Variants in FGGY observed in about 807,000 individuals in gnomAD.
FGGY encodes the protein FGGY carbohydrate kinase domain containing.
A neutral mutation model predicts 71.3 loss-of-function variants in FGGY; 72 were observed. The ratio of observed to expected loss-of-function variants is 1.01; its 90% CI spans 0.84 to 1.23. The LOEUF is 1.23. Ranked by LOEUF, FGGY falls within the 50% of genes most tolerant of loss-of-function variation. The pLI is 0.00. For missense variants in FGGY, 668 were observed against 682.3 expected (o/e 0.98, Z 0.23); for synonymous variants, 251 against 250.3 (o/e 1.00, Z -0.02).
At chr1:59,597,731 G>A (rs1365171015) in intron 8 of FGGY, among the ~76,000 whole-genome samples, 2 of 152,152 alleles carry the variant, frequency 1.3e-5, no homozygotes, top group East Asian at 3.8e-4. Context: ...AAAGACCAAG[G>A]TCACACAGCA....
At chr1:59,456,597 C>T (rs989978470) in intron 5 of FGGY, among the ~76,000 whole-genome samples, 1 of 152,128 alleles carries the variant, frequency 6.6e-6, no homozygotes, top group African/African-American at 2.4e-5. Flanking sequence ...TAGAGGCATC[C>T]ACCACCAAGC....
chr1:59,694,336 A>T (rs2097634352), intron 14 of FGGY, among the ~76,000 whole-genome samples: 1 of 145,436 alleles, frequency 6.9e-6, no homozygotes, highest in African/African-American at 2.5e-5. Flanking sequence ...AATAAATAAA[A>T]TACTGAAAGC....
intron 7 of FGGY, among the ~76,000 whole-genome samples, chr1:59,528,340 T>G (rs2095048673): frequency 6.6e-6 from 1 of 152,216 alleles, no homozygotes; most frequent in Non-Finnish European, 1.5e-5. Context: ...GCTGTGCACA[T>G]TCTCACCACC....
chr1:59,669,706 C>G (rs982790708), intron 13 of FGGY, among the ~76,000 whole-genome samples: 4 of 152,068 alleles, frequency 2.6e-5, no homozygotes, highest in African/African-American at 9.7e-5. Flanking sequence ...CAATTTCCAG[C>G]CTTCTGATAG....
intron 5 of FGGY, among the ~76,000 whole-genome samples, chr1:59,429,225 G>C (rs1363922265): frequency 6.6e-6 from 1 of 151,102 alleles, no homozygotes; most frequent in Non-Finnish European, 1.5e-5. Flanking sequence ...GGTGGCCCTG[G>C]TAAAGTTAAT....
chr1:59,559,432 A>G (rs1015080279), intron 8 of FGGY, among the ~76,000 whole-genome samples: 1 of 152,242 alleles, frequency 6.6e-6, no homozygotes. Context: ...TTAGTTTAAC[A>G]TAGATGCAGA....
At chr1:59,574,705 T>C (rs1314886735) in intron 8 of FGGY, among the ~76,000 whole-genome samples, 3 of 152,182 alleles carry the variant, frequency 2.0e-5, no homozygotes, top group Non-Finnish European at 4.4e-5. Flanking sequence ...TTTCATTGCT[T>C]TTATGAATTA....
intron 11 of FGGY, among the ~76,000 whole-genome samples, chr1:59,646,516 A>G (rs1016817747): frequency 1.3e-5 from 2 of 149,756 alleles, no homozygotes; most frequent in Non-Finnish European, 3.0e-5. Context: ...GTATATTTAT[A>G]TATAAATTTA....
chr1:59,298,754 T>C (rs1287119702), intron 1 of FGGY, among the ~76,000 whole-genome samples: 2 of 152,190 alleles, frequency 1.3e-5, no homozygotes, highest in African/African-American at 4.8e-5. Context: ...CCCAGGGGGA[T>C]TTGAAATGAT....
chr1:59,565,330 G>T (rs1029196197), intron 8 of FGGY, among the ~76,000 whole-genome samples: 3 of 151,956 alleles, frequency 2.0e-5, no homozygotes, highest in Non-Finnish European at 4.4e-5. Flanking sequence ...TCTTGCTCAG[G>T]CTGGGGTGCA....
At chr1:59,372,655 C>A (rs1279242038) in intron 4 of FGGY, among the ~76,000 whole-genome samples, 1 of 152,088 alleles carries the variant, frequency 6.6e-6, no homozygotes, top group East Asian at 1.9e-4. Flanking sequence ...ATGCAAAAAT[C>A]CTCAATAAAA....
At chr1:59,755,185 G>A (rs1057469343) in intron 14 of FGGY, 3 of 152,162 alleles carry the variant, frequency 2.0e-5, no homozygotes, top group African/African-American at 7.2e-5. Context: ...ACATTCTTCA[G>A]GGTGGTCTGT....
chr1:59,463,142 T>C (rs1264050906), intron 6 of FGGY, among the ~76,000 whole-genome samples: 5 of 151,852 alleles, frequency 3.3e-5, no homozygotes, highest in Non-Finnish European at 7.4e-5. Context: ...CACCATGGAA[T>C]ACTATGCAGC....
At chr1:59,424,550 AAAAT>A (rs1426017848) in intron 5 of FGGY, among the ~76,000 whole-genome samples, 5 of 152,166 alleles carry the variant, frequency 3.3e-5, no homozygotes, top group Admixed American at 1.3e-4. Context: ...TGTCTCTTAA[AAAAT>A]AAATAAATAA....
Position 59,378,830 on chromosome 1 carries a change from A to C in FGGY, c.547A>C (p.Thr183Pro), listed in dbSNP as rs1444463646. The C allele has an allele frequency of 6.2e-7, 1 of 1,612,580 alleles. No individual in the cohort carries two copies. Among genetic ancestry groups the C allele is most frequent in the African/African-American group, 1.3e-5 (1 of 75,002 alleles). Residue 183 changes from threonine to proline, a missense_variant, in exon 5 of 16, where the codon ACA becomes CCA. By Grantham distance (38) the Thr-to-Pro change is conservative. Transcript: ENST00000303721. The stretch of plus-strand genomic sequence containing the variant: ...CTTATCGTGGAAGGCAACAGGTGTC[A>C]CAGCACGGTATGTTAATTACAAGTT... ...DFLSWKATGV[T>P]ARSLCSLVCK...
intron 6 of FGGY, among the ~76,000 whole-genome samples, chr1:59,468,186 A>C (rs1371398321): frequency 2.6e-5 from 4 of 152,276 alleles, no homozygotes; most frequent in Admixed American, 2.6e-4. Flanking sequence ...TATAGGCATA[A>C]GTCACCGCGC....
At chr1:59,313,150 A>G (rs2044683913) in intron 1 of FGGY, among the ~76,000 whole-genome samples, 1 of 152,170 alleles carries the variant, frequency 6.6e-6, no homozygotes, top group African/African-American at 2.4e-5. Context: ...ACATGGTAGA[A>G]GGGGCAAGAG....
intron 5 of FGGY, among the ~76,000 whole-genome samples, chr1:59,450,110 T>G (rs1264539674): frequency 6.6e-6 from 1 of 152,236 alleles, no homozygotes; most frequent in East Asian, 1.9e-4. Context: ...TTTTCTGTCT[T>G]CCATATATTC....
In FGGY at chr1:59,554,279, G is replaced by A. The variant is rs754010266; in HGVS notation, c.903+52G>A. 2.8e-6 allele frequency: 4 copies of A among 1,412,884 alleles called. No individual in the cohort carries two copies. In the African/African-American group the frequency reaches 5.6e-5, roughly 20 times the overall value. The allele number at this position is 1,412,884 out of a possible 1,614,324, so 87.5% of individuals were successfully genotyped here. The stretch of plus-strand genomic sequence containing the variant: ...GCCACCACACAGCAGGAGGTAGCCT[G>A]GAAGGAGACCCTGAGTGCTGGCTTC... On this transcript the variant is annotated intron_variant, in intron 8 of 15. Coordinates refer to ENST00000303721, the MANE Select transcript of FGGY (RefSeq NM_018291.5).
Sources: gnomAD v4.1 joint callset for allele counts (sites outside exome capture counted in the v4.1 genomes callset) on GRCh38, gnomAD v4.1.1 for gene constraint, MANE v1.5 for transcripts, NCBI Gene and HGNC (gene_info 2026-07-23, HGNC 2026-07-21) for gene names.